LMAN1: variants seen among roughly 807,000 people sequenced by gnomAD.
LMAN1 encodes protein ERGIC-53.
LMAN1 carries 32 observed loss-of-function variants against 67.8 expected under a neutral mutation model. That is an observed-to-expected ratio of 0.47 (90% CI 0.36 to 0.63). The LOEUF is 0.63. LMAN1 is among the 30% of genes least tolerant of loss of function. LMAN1 has a pLI of 0.00. For missense variants in LMAN1, 632 were observed against 628.2 expected (o/e 1.01, Z -0.06); for synonymous variants, 235 against 219.3 (o/e 1.07, Z -0.63).
chr18:59,355,457 G>A (rs1158678467), intron 2 of LMAN1, 37 bp from the exon 3 acceptor site: 2 of 1,613,632 alleles, frequency 1.2e-6, no homozygotes, highest in East Asian at 2.2e-5. Flanking sequence ...AGAGGCTAGT[G>A]GTATATGCAT....
At chr18:59,345,256 G>A (rs1908373704) in intron 8 of LMAN1, among the ~76,000 whole-genome samples, 1 of 152,154 alleles carries the variant, frequency 6.6e-6, no homozygotes, top group South Asian at 2.1e-4. Context: ...TATGCTGACT[G>A]GGAACAATTC....
chr18:59,351,075 C>A (rs1455838576), intron 5 of LMAN1, among the ~76,000 whole-genome samples: 1 of 152,148 alleles, frequency 6.6e-6, no homozygotes, highest in Non-Finnish European at 1.5e-5. Flanking sequence ...AATGTGGAAA[C>A]AACTGGGACA....
chr18:59,358,789 G>T (rs1408967941), intron 1 of LMAN1, among the ~76,000 whole-genome samples: 3 of 152,184 alleles, frequency 2.0e-5, no homozygotes, highest in Non-Finnish European at 1.5e-5. Context: ...AAGAAGGGAA[G>T]ACAGCAGGCG....
intron 4 of LMAN1, among the ~76,000 whole-genome samples, chr18:59,354,199 C>T (rs1220922213): frequency 1.3e-5 from 2 of 152,124 alleles, no homozygotes; most frequent in East Asian, 3.9e-4. Flanking sequence ...TTAAAGATCC[C>T]TTTTAATGAA....
Position 59,333,093 on chromosome 18 carries a change from T to G in LMAN1, c.1372A>C (p.Met458Leu). 6.2e-7 allele frequency: 1 copy of G among 1,612,228 alleles called. No homozygotes were observed. Among genetic ancestry groups the G allele is most frequent in the Non-Finnish European group, 8.5e-7 (1 of 1,178,434 alleles). Residue 458 changes from methionine to leucine, a missense_variant and splice_region_variant, in exon 11 of 13, where the codon ATG becomes CTG. Coordinates refer to ENST00000251047, the MANE Select transcript of LMAN1 (RefSeq NM_005570.4). ...AAAGGAAAAGGAAACAAAGTTACCATATTTCGCTGCACTAAGTTATCTATG... is the reference window on the plus strand; with the variant it reads ...AAAGGAAAAGGAAACAAAGTTACCAGATTTCGCTGCACTAAGTTATCTATG... ...RDIDNLVQRN[M>L]PSNEKPKCPE...
chr18:59,353,102 T>C, intron 5 of LMAN1, 100 bp downstream of exon 5: 18 of 1,007,326 alleles, frequency 1.8e-5, no homozygotes, highest in South Asian at 1.4e-4. Context: ...TATGTAAGCA[T>C]ATCCAAATTT....
intron 10 of LMAN1, among the ~76,000 whole-genome samples, chr18:59,334,098 A>T (rs1207238992): frequency 6.6e-6 from 1 of 152,232 alleles, no homozygotes; most frequent in African/African-American, 2.4e-5. Flanking sequence ...TAAGCATAAC[A>T]TTTTAATATA....
chr18:59,346,031 A>C lies in LMAN1; in HGVS notation c.843T>G (p.Ile281Met), dbSNP rs757344544. ...GATACTTTTCTTTTTCCTTTTCCGA[A>C]ATTTCTTTATCTGGTGTGGGCTTTT... ...GKEPPTPDKE[I>M]SEKEKEKYQE... Residue 281 changes from isoleucine to methionine, a missense_variant, in exon 8 of 13, where the codon ATT (isoleucine) becomes ATG (methionine). Physicochemically the swap from Ile to Met is conservative, Grantham distance 10. Coordinates refer to ENST00000251047, the MANE Select transcript of LMAN1 (RefSeq NM_005570.4). The C allele has an allele frequency of 5.0e-6, 8 of 1,611,822 alleles. No homozygotes were observed. In the South Asian group the frequency reaches 8.8e-5, roughly 18 times the overall value.
chr18:59,337,036 C>A (rs1022196663), intron 10 of LMAN1, among the ~76,000 whole-genome samples: 3 of 151,494 alleles, frequency 2.0e-5, no homozygotes, highest in Non-Finnish European at 4.4e-5. Context: ...TCTCAAAGTA[C>A]CTTCTCCAAA....
In LMAN1 at chr18:59,349,154, T is replaced by G. The variant is rs1367996051; in HGVS notation, c.722A>C (p.Gln241Pro). The change falls in exon 6 of 13, where the codon CAA (glutamine) becomes CCA (proline). Residue 241 changes from glutamine (Q) to proline (P), a missense_variant. Transcript: ENST00000251047. ...AKVENMIIPA[Q>P]GHFGISAATG... ...TGCAGCAGATATTCCAAAATGCCCT[T>G]GTGCAGGGATAATCATATTTTCCAC... is the stretch of plus-strand genomic sequence containing the variant. The G allele has an allele frequency of 5.6e-6, 9 of 1,613,922 alleles. No individual in the cohort carries two copies. Among genetic ancestry groups the G allele is most frequent in the Non-Finnish European group, 7.6e-6 (9 of 1,179,908 alleles).
rs1269342431 is a variant in LMAN1, at chr18:59,328,848, G to A, written c.*2245C>T. On this transcript the variant is annotated 3_prime_UTR_variant, in exon 13 of 13. Transcript: ENST00000251047. The stretch of plus-strand genomic sequence containing the variant: ...CAAACAATTATTAGAACACAAATAG[G>A]TACATTAAATAAGGATATAAGCCAT... 2 of 152,026 alleles carry A rather than the reference G, an allele frequency of 1.3e-5. No individual in the cohort carries two copies. Among genetic ancestry groups the A allele is most frequent in the Non-Finnish European group, 2.9e-5 (2 of 68,012 alleles). 9.4% of individuals were successfully genotyped at this position (152,026 alleles called of 1,614,324 possible). A position where few individuals can be genotyped will look rare whatever the true frequency, so the allele number is the denominator to read the frequency against.
chr18:59,342,537 T>C (rs12604758), intron 8 of LMAN1, among the ~76,000 whole-genome samples: 18,240 of 152,120 alleles, frequency 0.12, 1,188 homozygotes, highest in Admixed American at 0.16. Context: ...ATATATATGA[T>C]ACACCACATA....
chr18:59,353,780 G>A lies in LMAN1; in HGVS notation c.540-479C>T, dbSNP rs560502987. Among the ~76,000 whole-genome samples the A allele has an allele frequency of 2.6e-5, 4 of 152,136 alleles. No individual in the cohort carries two copies. In the South Asian group the frequency reaches 6.2e-4, roughly 24 times the overall value. ...TACAGTCATCCTTCAACATCCATAG[G>A]ACATTGGTTCCAGGACCCCTGTGGA... is the stretch of plus-strand genomic sequence containing the variant. On this transcript the variant is annotated intron_variant, in intron 4 of 12. Transcript: ENST00000251047.
intron 5 of LMAN1, chr18:59,351,540 C>T (rs565775012): frequency 6.6e-6 from 1 of 152,224 alleles, no homozygotes; most frequent in Admixed American, 6.5e-5. Flanking sequence ...AAAAAAATTC[C>T]ATAGTTAAGT....
At position 59,355,353 on chromosome 18, in the gene LMAN1, C is replaced by G. The variant is rs1037787316; in HGVS notation, c.437G>C (p.Gly146Ala). 5 of 1,613,854 alleles carry G rather than the reference C, an allele frequency of 3.1e-6. No homozygotes were observed. Among genetic ancestry groups the G allele is most frequent in the Non-Finnish European group, 4.2e-6 (5 of 1,179,894 alleles). The change falls in exon 3 of 13, where the codon GGT (glycine) becomes GCT (alanine). Residue 146 changes from glycine (G) to alanine (A), a missense_variant. Physicochemically the swap from Gly to Ala is moderately conservative, Grantham distance 60. Coordinates refer to ENST00000251047, the MANE Select transcript of LMAN1 (RefSeq NM_005570.4). ...PVFGSADLWNGVGIFFDSFDN... is the reference protein window; with the variant it reads ...PVFGSADLWNAVGIFFDSFDN... The stretch of plus-strand genomic sequence containing the variant: ...AAAAGAATCAAAAAATATTCCAACA[C>G]CATTCCACAGATCAGCTGATCCAAA...
In LMAN1 at chr18:59,353,190, G is replaced by C. The variant is rs748761171; in HGVS notation, c.639+12C>G. On this transcript the variant is annotated intron_variant, in intron 5 of 12. Coordinates refer to ENST00000251047, the MANE Select transcript of LMAN1 (RefSeq NM_005570.4). ...TTGTTTATTTGATTCTCTCTAAATA[G>C]ATGTTACTTACTGTCAGTGTGTTCT... is the stretch of plus-strand genomic sequence containing the variant. 8.2e-6 allele frequency: 13 copies of C among 1,577,656 alleles called. No homozygotes were observed. The African/African-American group carries it at 1.8e-4, about 21-fold the overall frequency.
intron 11 of LMAN1, among the ~76,000 whole-genome samples, chr18:59,332,088 A>C (rs550157704): frequency 6.6e-6 from 1 of 152,236 alleles, no homozygotes; most frequent in South Asian, 2.1e-4. Context: ...TTCTATTATA[A>C]GGAGGCAATT....
intron 7 of LMAN1, among the ~76,000 whole-genome samples, 158 bp from the exon 8 acceptor site, chr18:59,346,209 CTTTTT>C (rs370183077): frequency 1.3e-4 from 8 of 61,604 alleles, no homozygotes; most frequent in Admixed American, 2.1e-4. Flanking sequence ...GCAAATTACT[CTTTTT>C]TTTTTTTTTT....
At chr18:59,336,934 C>A (rs1908165409) in intron 10 of LMAN1, among the ~76,000 whole-genome samples, 1 of 151,426 alleles carries the variant, frequency 6.6e-6, no homozygotes, top group Admixed American at 6.6e-5. Context: ...AAAAAATCAG[C>A]ATTTGGCAAA....
Sources: allele counts gnomAD v4.1 joint callset (sites outside exome capture counted in the v4.1 genomes callset), GRCh38; gene constraint gnomAD v4.1.1; transcripts MANE v1.5; gene names NCBI Gene and HGNC (gene_info 2026-07-23, HGNC 2026-07-21).